DNAJC1: variants seen among roughly 807,000 people sequenced by gnomAD.
DNAJC1 encodes dnaJ homolog subfamily C member 1.
A neutral mutation model predicts 76.6 loss-of-function variants in DNAJC1; 58 were observed. The ratio of observed to expected loss-of-function variants is 0.76; its 90% CI spans 0.61 to 0.94. The LOEUF (loss-of-function observed/expected upper bound fraction) is 0.94. DNAJC1 is among the 40% of genes least tolerant of loss of function. The probability of loss-of-function intolerance (pLI) is 0.00; values close to 1 mark genes in which losing one functional copy is unlikely to be tolerated. For missense variants in DNAJC1, 689 were observed against 677.3 expected (o/e 1.02, Z -0.19); for synonymous variants, 258 against 267.9 (o/e 0.96, Z 0.36).
chr10:21,798,835 G>T (rs1221978084), intron 9 of DNAJC1, among the ~76,000 whole-genome samples: 2 of 152,146 alleles, frequency 1.3e-5, no homozygotes, highest in African/African-American at 4.8e-5. Flanking sequence ...TTAGTTGCAG[G>T]CATATTAGTA....
At chr10:21,787,457 A>G (rs1262764397) in intron 9 of DNAJC1, among the ~76,000 whole-genome samples, 1 of 152,148 alleles carries the variant, frequency 6.6e-6, no homozygotes, top group Non-Finnish European at 1.5e-5. Context: ...TGGGGAGGTG[A>G]TATCAGCAAG....
intron 1 of DNAJC1, among the ~76,000 whole-genome samples, chr10:21,995,635 T>C (rs984817236): frequency 2.0e-5 from 3 of 152,240 alleles, no homozygotes; most frequent in African/African-American, 4.8e-5. Context: ...TAATGCCTAC[T>C]GCCTCAGTAG....
At chr10:21,923,662 T>C (rs1564828638) in intron 3 of DNAJC1, among the ~76,000 whole-genome samples, 2 of 151,902 alleles carry the variant, frequency 1.3e-5, no homozygotes, top group African/African-American at 4.8e-5. Context: ...ATGAAAACAT[T>C]AATCAATTCC....
At chr10:21,928,584 TACTC>T in intron 2 of DNAJC1, 32 bp from the exon 3 acceptor site, 1 of 1,552,064 alleles carries the variant, frequency 6.4e-7, no homozygotes, top group Non-Finnish European at 8.9e-7. Context: ...AAAATAAAAA[TACTC>T]TCAACTATAA....
intron 2 of DNAJC1, 112 bp from the exon 3 acceptor site, chr10:21,928,664 C>T (rs1242319841): frequency 3.9e-6 from 3 of 776,346 alleles, no homozygotes; most frequent in African/African-American, 3.5e-5. Flanking sequence ...CCTATATATA[C>T]AATAAACAGA....
At chr10:21,911,070 AGGAAGGAAGGAAGGAAGGCG>A (rs1301012319) in intron 6 of DNAJC1, among the ~76,000 whole-genome samples, 32 of 143,434 alleles carry the variant, frequency 2.2e-4, no homozygotes, top group African/African-American at 5.2e-4. Flanking sequence ...GAAGGAAGGA[AGGAAGGAAGGAAGGAAGGCG>A]GGAAGGCGGG....
chr10:21,913,713 C>G (rs1590046582), intron 6 of DNAJC1, among the ~76,000 whole-genome samples: 1 of 152,180 alleles, frequency 6.6e-6, no homozygotes, highest in East Asian at 1.9e-4. Flanking sequence ...TTGTCAGATT[C>G]CAAGAGAATG....
At chr10:21,963,378 A>T (rs1442359826) in intron 1 of DNAJC1, among the ~76,000 whole-genome samples, 1 of 152,220 alleles carries the variant, frequency 6.6e-6, no homozygotes, top group Non-Finnish European at 1.5e-5. Context: ...GTGTAAGGAA[A>T]ATAGAATATA....
Position 21,759,238 on chromosome 10 carries a change from G to A in DNAJC1, c.1528C>T (p.Gln510Ter), listed in dbSNP as rs962629589. ...NQQKLLELAL[Q>*]QYPRGSSDRW... The stretch of plus-strand genomic sequence containing the variant: ...TCAGAGGATCCCCTTGGGTACTGCT[G>A]CAACGCCAGTTCCAGAAGTTTCTGT... The change falls in exon 11 of 12, where the codon CAG (glutamine) becomes TAG (stop). Residue 510 changes from glutamine (Q) to a stop codon, truncating the protein, a stop_gained. Coordinates refer to ENST00000376980, the MANE Select transcript of DNAJC1 (RefSeq NM_022365.4). LOFTEE classifies it high-confidence loss of function. 3 of 1,614,204 alleles carry A rather than the reference G, an allele frequency of 1.9e-6. No homozygotes were observed. The highest frequency in any genetic ancestry group is 2.5e-6 in the Non-Finnish European group (3 of 1,180,044).
chr10:21,986,833 T>C (rs1180858831), intron 1 of DNAJC1, among the ~76,000 whole-genome samples: 1 of 152,118 alleles, frequency 6.6e-6, no homozygotes, highest in African/African-American at 2.4e-5. Flanking sequence ...AATGGCGCGA[T>C]CTCAGCTCAC....
Position 21,823,627 on chromosome 10 carries a change from T to A in DNAJC1, c.979-17528A>T, listed in dbSNP as rs369144716. 5.3e-5 allele frequency among the ~76,000 whole-genome samples: 8 copies of A among 152,194 alleles called. No homozygotes were observed. In the South Asian group the frequency reaches 1.7e-3, roughly 32 times the overall value. ...TCTGGCTTCTGATATGCTTTTTACT[T>A]ACATATAAACCAAGGGTGTCCAATC... On this transcript the variant is annotated intron_variant, in intron 8 of 11. Transcript: ENST00000376980.
intron 8 of DNAJC1, among the ~76,000 whole-genome samples, chr10:21,842,063 C>T (rs1343875344): frequency 7.9e-6 from 1 of 126,054 alleles, no homozygotes; most frequent in Non-Finnish European, 1.5e-5. Context: ...CACATGGACA[C>T]AGGAAGGGGA....
intron 8 of DNAJC1, among the ~76,000 whole-genome samples, chr10:21,846,071 TATA>T (rs1333256315): frequency 6.6e-6 from 1 of 152,198 alleles, no homozygotes; most frequent in African/African-American, 2.4e-5. Flanking sequence ...GGTAGACTGG[TATA>T]ATGATTAAAA....
intron 8 of DNAJC1, among the ~76,000 whole-genome samples, chr10:21,822,465 A>C (rs1835176044): frequency 7.0e-6 from 1 of 143,350 alleles, no homozygotes; most frequent in Non-Finnish European, 1.5e-5. Context: ...AAATAAATGA[A>C]TAATAAAATA....
intron 7 of DNAJC1, among the ~76,000 whole-genome samples, chr10:21,893,776 A>G (rs1836493973): frequency 6.6e-6 from 1 of 151,940 alleles, no homozygotes; most frequent in Admixed American, 6.6e-5. Context: ...TTATAAAAAG[A>G]AGACCAAAAC....
intron 1 of DNAJC1, among the ~76,000 whole-genome samples, chr10:21,971,464 GA>G (rs1410306654): frequency 6.6e-6 from 1 of 151,492 alleles, no homozygotes. Flanking sequence ...AGTCCTATGA[GA>G]AATCAAAAAA....
At chr10:21,785,110 C>T (rs1434085956) in intron 9 of DNAJC1, among the ~76,000 whole-genome samples, 2 of 152,044 alleles carry the variant, frequency 1.3e-5, no homozygotes, top group African/African-American at 4.8e-5. Context: ...ATTTATAAAT[C>T]AATAGTGGCC....
intron 9 of DNAJC1, among the ~76,000 whole-genome samples, chr10:21,792,744 G>A (rs955913069): frequency 7.0e-6 from 1 of 143,002 alleles, no homozygotes; most frequent in Non-Finnish European, 1.5e-5. Context: ...GGGTGACAGA[G>A]TGAGACAACA....
At chr10:21,763,443 G>A (rs1272372322) in intron 10 of DNAJC1, among the ~76,000 whole-genome samples, 1 of 152,120 alleles carries the variant, frequency 6.6e-6, no homozygotes, top group Non-Finnish European at 1.5e-5. Flanking sequence ...ACTTCTAGAC[G>A]TGTACGCCCT....
Sources: allele counts gnomAD v4.1 joint callset (sites outside exome capture counted in the v4.1 genomes callset), GRCh38; gene constraint gnomAD v4.1.1; transcripts MANE v1.5; gene names NCBI Gene and HGNC (gene_info 2026-07-23, HGNC 2026-07-21).